C10orf90: variants seen among roughly 807,000 people sequenced by gnomAD.
C10orf90 encodes (E2-independent) E3 ubiquitin-conjugating enzyme FATS.
Under a neutral mutation model 62.5 loss-of-function variants are expected in C10orf90, and 56 were observed. The observed-to-expected ratio is 0.90, with a 90% CI of 0.72 to 1.12. C10orf90 has a LOEUF of 1.12. Ranked by LOEUF, C10orf90 falls within the 50% of genes most tolerant of loss-of-function variation. The probability of loss-of-function intolerance (pLI) is 0.00; values close to 1 mark genes in which losing one functional copy is unlikely to be tolerated. For synonymous variants in C10orf90, 386 were observed against 340.4 expected, an observed-to-expected ratio of 1.13 and a Z score of -1.47; for missense variants, 970 against 880.4, an observed-to-expected ratio of 1.10 and a Z score of -1.29.
intron 7 of C10orf90, among the ~76,000 whole-genome samples, chr10:126,457,189 A>G (rs1440238189): frequency 6.6e-6 from 1 of 152,114 alleles, no homozygotes; most frequent in African/African-American, 2.4e-5. Flanking sequence ...GGGTTTCTCC[A>G]TGTTGCCCAG....
At chr10:126,554,087 T>C (rs1864701775) in intron 2 of C10orf90, among the ~76,000 whole-genome samples, 2 of 151,762 alleles carry the variant, frequency 1.3e-5, no homozygotes, top group South Asian at 4.2e-4. Flanking sequence ...AGAATATTTG[T>C]GGCAGCTTTG....
chr10:126,469,759 C>A, intron 4 of C10orf90: 1 of 404,832 alleles, frequency 2.5e-6, no homozygotes, highest in Non-Finnish European at 4.9e-6. Flanking sequence ...CACCTGGGTT[C>A]TCTTCCAGCA....
intron 1 of C10orf90, among the ~76,000 whole-genome samples, chr10:126,663,582 C>G (rs1846562592): frequency 6.6e-6 from 1 of 152,168 alleles, no homozygotes; most frequent in African/African-American, 2.4e-5. Flanking sequence ...TCTCTCAGCT[C>G]TCCTTGCACG....
At chr10:126,582,170 G>T (rs558417927) in intron 2 of C10orf90, among the ~76,000 whole-genome samples, 1 of 152,274 alleles carries the variant, frequency 6.6e-6, no homozygotes, top group South Asian at 2.1e-4. Flanking sequence ...TCCTTAATAA[G>T]TCCCCCAAAC....
At chr10:126,614,547 G>A (rs566803161) in intron 2 of C10orf90, among the ~76,000 whole-genome samples, 1 of 152,246 alleles carries the variant, frequency 6.6e-6, no homozygotes, top group African/African-American at 2.4e-5. Flanking sequence ...GGTGCCATGT[G>A]GGGGTGGATG....
chr10:126,552,569 A>T (rs1475945736), intron 2 of C10orf90, among the ~76,000 whole-genome samples: 1 of 152,134 alleles, frequency 6.6e-6, no homozygotes, highest in Admixed American at 6.5e-5. Context: ...CTGCCAGGAG[A>T]CGCTGTCTTA....
chr10:126,508,928 G>T (rs946754229), intron 3 of C10orf90, among the ~76,000 whole-genome samples: 6 of 152,132 alleles, frequency 3.9e-5, no homozygotes, highest in Non-Finnish European at 7.3e-5. Flanking sequence ...GAACAACAGG[G>T]ATGGGAAATA....
At chr10:126,667,638 A>T (rs958613809) in intron 1 of C10orf90, among the ~76,000 whole-genome samples, 1 of 152,138 alleles carries the variant, frequency 6.6e-6, no homozygotes, top group Admixed American at 6.5e-5. Flanking sequence ...ATATGAGCAC[A>T]TCACTGAATT....
At chr10:126,561,612 C>T (rs950688438) in intron 2 of C10orf90, among the ~76,000 whole-genome samples, 8 of 152,082 alleles carry the variant, frequency 5.3e-5, no homozygotes, top group Non-Finnish European at 7.4e-5. Context: ...ACAGAAAGTC[C>T]GCAGTGCAAT....
At chr10:126,510,222 G>GA (rs1863019798) in intron 3 of C10orf90, among the ~76,000 whole-genome samples, 1 of 152,128 alleles carries the variant, frequency 6.6e-6, no homozygotes. Context: ...ATTTAGTGGG[G>GA]GTAGTGGGGG....
chr10:126,570,322 G>A (rs1189939901), intron 2 of C10orf90, among the ~76,000 whole-genome samples: 3 of 152,218 alleles, frequency 2.0e-5, no homozygotes, highest in Non-Finnish European at 4.4e-5. Flanking sequence ...TTTACGCACT[G>A]CCTAACTTTC....
intron 2 of C10orf90, among the ~76,000 whole-genome samples, chr10:126,532,068 T>TC (rs1176776705): frequency 6.6e-6 from 1 of 152,180 alleles, no homozygotes; most frequent in African/African-American, 2.4e-5. Context: ...GCCCCCCACA[T>TC]CCAGGGCAAT....
At chr10:126,472,532 C>T (rs1238105879) in intron 4 of C10orf90, among the ~76,000 whole-genome samples, 1 of 152,136 alleles carries the variant, frequency 6.6e-6, no homozygotes, top group Non-Finnish European at 1.5e-5. Context: ...TGGGAGTGGA[C>T]TTGGGTGGTG....
chr10:126,527,198 T>C (rs1317047773), intron 2 of C10orf90, among the ~76,000 whole-genome samples: 1 of 152,232 alleles, frequency 6.6e-6, no homozygotes, highest in Admixed American at 6.5e-5. Flanking sequence ...GAGGGTTTCA[T>C]TTTTCGCCAG....
intron 2 of C10orf90, among the ~76,000 whole-genome samples, chr10:126,608,184 C>T (rs1282365312): frequency 6.6e-6 from 1 of 152,214 alleles, no homozygotes; most frequent in East Asian, 1.9e-4. Context: ...TCAGGGCTCA[C>T]TGCAGCCTGG....
intron 2 of C10orf90, among the ~76,000 whole-genome samples, chr10:126,515,201 G>A (rs1461484097): frequency 2.0e-5 from 3 of 152,164 alleles, no homozygotes; most frequent in African/African-American, 7.2e-5. Flanking sequence ...ACCTACTGAC[G>A]CTGTAGCCAT....
intron 4 of C10orf90, among the ~76,000 whole-genome samples, chr10:126,503,161 T>G (rs1435756714): frequency 6.6e-6 from 1 of 152,178 alleles, no homozygotes; most frequent in Admixed American, 6.6e-5. Context: ...AATCAGAAGT[T>G]TACACAGAGA....
chr10:126,544,887 C>T (rs1359115383), intron 2 of C10orf90, among the ~76,000 whole-genome samples: 1 of 152,096 alleles, frequency 6.6e-6, no homozygotes, highest in African/African-American at 2.4e-5. Context: ...CTACTATTCC[C>T]CTTCCTATTG....
At chr10:126,565,133 A>AATATTTATATTACATATTATGT (rs1844319009) in intron 2 of C10orf90, among the ~76,000 whole-genome samples, 1 of 21,710 alleles carries the variant, frequency 4.6e-5, no homozygotes, top group African/African-American at 1.3e-4. Context: ...TATATAATAT[A>AATATTTATATTACATATTATGT]AATATAATAT....
Sources: allele counts gnomAD v4.1 joint callset (sites outside exome capture counted in the v4.1 genomes callset), GRCh38; gene constraint gnomAD v4.1.1; transcripts MANE v1.5; gene names NCBI Gene and HGNC (gene_info 2026-07-23, HGNC 2026-07-21).